CCDC93: variants seen among roughly 807,000 people sequenced by gnomAD.
CCDC93 encodes the protein CCC complex scaffolding subunit CCDC93, also known as coiled-coil domain-containing protein 93.
Under a neutral mutation model 108.2 loss-of-function variants are expected in CCDC93, and 61 were observed. The ratio of observed to expected loss-of-function variants is 0.56; its 90% CI spans 0.46 to 0.70. The LOEUF (loss-of-function observed/expected upper bound fraction) is 0.70. Ranked by LOEUF, CCDC93 falls within the 30% of genes least tolerant of loss-of-function variation. The probability of loss-of-function intolerance (pLI) is 0.00; values close to 1 mark genes in which losing one functional copy is unlikely to be tolerated. For missense variants in CCDC93, 685 were observed against 764.2 expected (o/e 0.90, Z 1.22); for synonymous variants, 276 against 260.4 (o/e 1.06, Z -0.58).
chr2:117,996,794 C>T (rs552230001), intron 4 of CCDC93: 1 of 160,024 alleles, frequency 6.2e-6, no homozygotes, highest in South Asian at 1.8e-4. Flanking sequence ...TTTTCTTGTG[C>T]TCCTTACACG....
chr2:117,971,226 G>A (rs1482274969), intron 11 of CCDC93, among the ~76,000 whole-genome samples: 1 of 151,972 alleles, frequency 6.6e-6, no homozygotes, highest in Non-Finnish European at 1.5e-5. Flanking sequence ...AGCCAGGCAT[G>A]GTGGTATGCG....
intron 14 of CCDC93, among the ~76,000 whole-genome samples, chr2:117,948,610 T>C (rs1678949660): frequency 6.6e-6 from 1 of 152,226 alleles, no homozygotes; most frequent in Non-Finnish European, 1.5e-5. Context: ...ATATCAACTA[T>C]CTGACAGTGC....
At chr2:117,945,211 G>C (rs1445063072) in intron 17 of CCDC93, among the ~76,000 whole-genome samples, 1 of 152,182 alleles carries the variant, frequency 6.6e-6, no homozygotes, top group Non-Finnish European at 1.5e-5. Context: ...ATCCCTCAGA[G>C]CCCGAGTGGT....
chr2:117,956,738 C>T (rs1463364181), intron 12 of CCDC93, among the ~76,000 whole-genome samples: 1 of 152,124 alleles, frequency 6.6e-6, no homozygotes, highest in African/African-American at 2.4e-5. Context: ...TTTAGCAAAC[C>T]AACCTATTAT....
chr2:117,985,416 G>A, intron 7 of CCDC93: 2 of 960,006 alleles, frequency 2.1e-6, no homozygotes, highest in South Asian at 4.8e-5. Context: ...CCTGAGAAGA[G>A]AATGCGTGAC....
In CCDC93 at chr2:117,996,247, AAAATCAC is replaced by A. The variant is rs1320407565; in HGVS notation, c.462+10_462+16del. 1 of 1,542,924 alleles carries A rather than the reference AAAATCAC, an allele frequency of 6.5e-7. No homozygotes were observed. The highest frequency in any genetic ancestry group is 1.4e-5 in the African/African-American group (1 of 73,554). On this transcript the variant is annotated intron_variant, in intron 5 of 23. Coordinates refer to ENST00000376300, the MANE Select transcript of CCDC93 (RefSeq NM_019044.5). ...CTGTTTCTCAGTGGGACAAGAAAAT[AAAATCAC>A]AATACTGACCTCAGGGAGACTGTAA...
chr2:117,989,739 G>T (rs554985701), intron 6 of CCDC93, among the ~76,000 whole-genome samples: 3 of 152,028 alleles, frequency 2.0e-5, no homozygotes, highest in Non-Finnish European at 4.4e-5. Context: ...TAAACTAATC[G>T]GTATATTTAA....
intron 6 of CCDC93, among the ~76,000 whole-genome samples, chr2:117,992,017 G>A (rs1680489178): frequency 6.6e-6 from 1 of 152,130 alleles, no homozygotes; most frequent in Non-Finnish European, 1.5e-5. Flanking sequence ...AATGGTGACA[G>A]AGCTCGCTAA....
In CCDC93 at chr2:117,936,756, A is replaced by G; in HGVS notation, c.1606-17T>C. 6.2e-7 allele frequency: 1 copy of G among 1,610,586 alleles called. No individual in the cohort carries two copies. On this transcript the variant is annotated splice_polypyrimidine_tract_variant and intron_variant, in intron 20 of 23. Transcript: ENST00000376300. ...CAGACTAATCTGGGGAAGTAAAAAA[A>G]CAAACGAAATTATAAGACAGGCAAA...
intron 23 of CCDC93, among the ~76,000 whole-genome samples, chr2:117,930,067 A>G (rs950783883): frequency 1.3e-5 from 2 of 152,226 alleles, no homozygotes; most frequent in Non-Finnish European, 2.9e-5. Flanking sequence ...AAAAGATGAG[A>G]TTTTGAAATG....
Position 117,975,236 on chromosome 2 carries a change from T to C in CCDC93, c.702A>G (p.Thr234=), listed in dbSNP as rs201777038. The C allele has an allele frequency of 6.8e-6, 11 of 1,613,926 alleles. No homozygotes were observed. In the East Asian group the frequency reaches 2.5e-4, roughly 36 times the overall value. The stretch of plus-strand genomic sequence containing the variant: ...CTTCCTCGTGGGCATCAGCTTTTTC[T>C]GTAGCTGACAGCCCTGCTGGAAGTG... ...KTALPAGLSA[T]EKADAHEEDE... Residue 234 remains threonine, a synonymous_variant, in exon 9 of 24, where the codon ACA becomes ACG. Coordinates refer to ENST00000376300, the MANE Select transcript of CCDC93 (RefSeq NM_019044.5).
At chr2:117,940,961 T>C (rs1034293649) in intron 19 of CCDC93, among the ~76,000 whole-genome samples, 6 of 152,104 alleles carry the variant, frequency 3.9e-5, no homozygotes, top group Non-Finnish European at 8.8e-5. Context: ...CTTTGAAGCT[T>C]TAGTCTAAGA....
chr2:118,011,759 C>T (rs1677027509), intron 1 of CCDC93, among the ~76,000 whole-genome samples: 1 of 152,172 alleles, frequency 6.6e-6, no homozygotes, highest in Non-Finnish European at 1.5e-5. Context: ...AGGGCCCAGG[C>T]TTCCATCCAC....
chr2:117,983,725 A>C, intron 7 of CCDC93, among the ~76,000 whole-genome samples: 1 of 141,194 alleles, frequency 7.1e-6, no homozygotes, highest in East Asian at 2.0e-4. Context: ...GCAGTGGAGA[A>C]TGCTGAACAG....
At chr2:117,981,845 A>G (rs979761763) in intron 7 of CCDC93, among the ~76,000 whole-genome samples, 3 of 152,188 alleles carry the variant, frequency 2.0e-5, no homozygotes, top group African/African-American at 4.8e-5. Flanking sequence ...CATACTGGAC[A>G]CCACAATTCT....
intron 1 of CCDC93, among the ~76,000 whole-genome samples, chr2:118,012,075 G>A (rs757143089): frequency 2.0e-5 from 3 of 152,156 alleles, no homozygotes; most frequent in Non-Finnish European, 4.4e-5. Flanking sequence ...GTTGTAAGCT[G>A]GAAGGCAGGC....
At chr2:117,955,554 G>A (rs1217129038) in intron 12 of CCDC93, among the ~76,000 whole-genome samples, 1 of 152,160 alleles carries the variant, frequency 6.6e-6, no homozygotes, top group Non-Finnish European at 1.5e-5. Context: ...AAAAGAATGA[G>A]GTAGATTTAT....
chr2:117,943,753 T>G (rs981891457), intron 18 of CCDC93, among the ~76,000 whole-genome samples: 1 of 152,248 alleles, frequency 6.6e-6, no homozygotes, highest in East Asian at 1.9e-4. Flanking sequence ...AATTTCTTCA[T>G]AAAGAAAATG....
intron 6 of CCDC93, among the ~76,000 whole-genome samples, chr2:117,988,586 G>A (rs988879331): frequency 6.6e-6 from 1 of 152,154 alleles, no homozygotes; most frequent in Non-Finnish European, 1.5e-5. Context: ...ATCTTACTTA[G>A]CCTATGTGTC....
Sources: allele counts gnomAD v4.1 joint callset (sites outside exome capture counted in the v4.1 genomes callset), GRCh38; gene constraint gnomAD v4.1.1; transcripts MANE v1.5; gene names NCBI Gene and HGNC (gene_info 2026-07-23, HGNC 2026-07-21).